Variants in PTPRD observed in about 807,000 individuals in gnomAD.
PTPRD encodes the protein receptor-type tyrosine-protein phosphatase delta.
PTPRD carries 34 observed loss-of-function variants against 214.5 expected under a neutral mutation model. The ratio of observed to expected loss-of-function variants is 0.16; its 90% CI spans 0.12 to 0.21. PTPRD has a LOEUF of 0.21. PTPRD is among the 10% of genes least tolerant of loss of function. PTPRD has a pLI of 1.00. For synonymous variants in PTPRD, 1,128 were observed against 845.7 expected (o/e 1.33, Z -5.79); for missense variants, 2,545 against 2,398.7 (o/e 1.06, Z -1.27).
At chr9:10,030,211 G>T (rs977206012) in intron 4 of PTPRD, among the ~76,000 whole-genome samples, 18 of 152,134 alleles carry the variant, frequency 1.2e-4, no homozygotes, top group African/African-American at 4.1e-4. Flanking sequence ...AACACAGTGG[G>T]TTTGACAAGG....
At chr9:9,410,012 A>G (rs1440634410) in intron 8 of PTPRD, among the ~76,000 whole-genome samples, 1 of 152,286 alleles carries the variant, frequency 6.6e-6, no homozygotes, top group African/African-American at 2.4e-5. Flanking sequence ...TATGAAACAC[A>G]TTTTTAATAA....
At chr9:10,123,047 G>A (rs963136081) in intron 3 of PTPRD, among the ~76,000 whole-genome samples, 2 of 152,192 alleles carry the variant, frequency 1.3e-5, no homozygotes, top group African/African-American at 4.8e-5. Context: ...CCCAGGAGGA[G>A]AACTAAAGTC....
intron 11 of PTPRD, among the ~76,000 whole-genome samples, chr9:8,959,167 T>C (rs892828862): frequency 2.0e-5 from 3 of 152,012 alleles, no homozygotes; most frequent in African/African-American, 7.2e-5. Flanking sequence ...TTATCAAATA[T>C]TCATTGAGCA....
chr9:8,700,581 T>G (rs572423365), intron 12 of PTPRD: 16 of 152,290 alleles, frequency 1.1e-4, no homozygotes, highest in Non-Finnish European at 2.1e-4. Flanking sequence ...ACAGTCAATG[T>G]TTTCATTCAT....
intron 9 of PTPRD, among the ~76,000 whole-genome samples, chr9:9,285,579 C>A (rs1276767185): frequency 6.6e-6 from 1 of 151,802 alleles, no homozygotes; most frequent in Non-Finnish European, 1.5e-5. Flanking sequence ...CACTTTTATT[C>A]AGATCCCACC....
chr9:8,531,501 C>T (rs2075680435), intron 14 of PTPRD, among the ~76,000 whole-genome samples: 1 of 152,056 alleles, frequency 6.6e-6, no homozygotes, highest in African/African-American at 2.4e-5. Flanking sequence ...CTCAAGTGCT[C>T]CAACACCAAC....
At chr9:9,029,470 C>T (rs765061051) in intron 10 of PTPRD, among the ~76,000 whole-genome samples, 13 of 145,598 alleles carry the variant, frequency 8.9e-5, no homozygotes, top group Non-Finnish European at 7.5e-5. Flanking sequence ...GCAGTGTACA[C>T]TTTTTTTTGT....
rs1371075549 is a variant in PTPRD at position 8,315,510 on chromosome 9, A to AAAAG, written c.*2360_*2363dup. 1 of 232,098 alleles carries AAAAG rather than the reference A, an allele frequency of 4.3e-6. No homozygotes were observed. Among genetic ancestry groups the AAAAG allele is most frequent in the Non-Finnish European group, 8.5e-6 (1 of 117,000 alleles). 14.4% of individuals were successfully genotyped at this position (232,098 alleles called of 1,614,324 possible). A position where few individuals can be genotyped will look rare whatever the true frequency, so the allele number is the denominator to read the frequency against. ...AATCTGGCACTTGGATAAATCTCCA[A>AAAAG]AAAGATACAAACTAAAAGAAAATAA... On this transcript the variant is annotated 3_prime_UTR_variant, in exon 46 of 46. Coordinates refer to ENST00000381196, the MANE Select transcript of PTPRD (RefSeq NM_002839.4).
chr9:9,912,747 G>T (rs1219268782), intron 5 of PTPRD, among the ~76,000 whole-genome samples: 3 of 152,182 alleles, frequency 2.0e-5, no homozygotes, highest in Non-Finnish European at 4.4e-5. Context: ...CCCAAGTTGA[G>T]AATGATATTC....
At chr9:8,636,885 A>C in intron 12 of PTPRD, 41 bp from the exon 13 acceptor site, 1 of 1,600,562 alleles carries the variant, frequency 6.2e-7, no homozygotes, top group Non-Finnish European at 8.6e-7. Context: ...TTGAAAACTG[A>C]AATACAGACT....
chr9:9,224,794 C>G (rs2099958352), intron 9 of PTPRD, among the ~76,000 whole-genome samples: 1 of 151,858 alleles, frequency 6.6e-6, no homozygotes, highest in African/African-American at 2.4e-5. Flanking sequence ...GTTTTCTGGA[C>G]TCTGTAAGAT....
intron 3 of PTPRD, among the ~76,000 whole-genome samples, chr9:10,068,172 G>A (rs2097918317): frequency 6.6e-6 from 1 of 151,768 alleles, no homozygotes; most frequent in South Asian, 2.1e-4. Flanking sequence ...ACAACTGGTT[G>A]CAGGAGAAAG....
At chr9:9,631,706 G>T (rs777760444) in intron 7 of PTPRD, among the ~76,000 whole-genome samples, 2 of 152,092 alleles carry the variant, frequency 1.3e-5, no homozygotes, top group East Asian at 3.9e-4. Flanking sequence ...TCTCCTGTCA[G>T]TGTTGATGAT....
chr9:9,161,885 G>C (rs1179948777), intron 10 of PTPRD, among the ~76,000 whole-genome samples: 2 of 151,808 alleles, frequency 1.3e-5, no homozygotes, highest in Non-Finnish European at 2.9e-5. Flanking sequence ...TTGACTAAAT[G>C]TTTAAATTTT....
At chr9:8,493,740 A>C (rs549519051) in intron 26 of PTPRD, among the ~76,000 whole-genome samples, 11 of 152,282 alleles carry the variant, frequency 7.2e-5, no homozygotes, top group Admixed American at 3.9e-4. Context: ...GTATGTGCTC[A>C]ATTTATTTTG....
intron 12 of PTPRD, among the ~76,000 whole-genome samples, chr9:8,642,049 C>T (rs532272313): frequency 6.6e-6 from 1 of 152,272 alleles, no homozygotes; most frequent in South Asian, 2.1e-4. Context: ...AGACATAAAT[C>T]GGGGAGAGCC....
At chr9:10,299,703 T>C (rs939075798) in intron 3 of PTPRD, among the ~76,000 whole-genome samples, 1 of 152,160 alleles carries the variant, frequency 6.6e-6, no homozygotes, top group African/African-American at 2.4e-5. Context: ...CTACAGGTCA[T>C]AACAGCTGGT....
chr9:9,682,489 T>G (rs1046413079), intron 7 of PTPRD, among the ~76,000 whole-genome samples: 8 of 151,786 alleles, frequency 5.3e-5, no homozygotes, highest in African/African-American at 1.7e-4. Context: ...TGCCATTGTT[T>G]TATTTATGGT....
intron 7 of PTPRD, among the ~76,000 whole-genome samples, chr9:9,641,496 T>C (rs577980830): frequency 3.3e-5 from 5 of 152,266 alleles, no homozygotes; most frequent in African/African-American, 1.2e-4. Flanking sequence ...TAAGAGGCTA[T>C]AGGAAAGTAC....
Sources: gnomAD v4.1 joint callset for allele counts (sites outside exome capture counted in the v4.1 genomes callset) on GRCh38, gnomAD v4.1.1 for gene constraint, MANE v1.5 for transcripts, NCBI Gene and HGNC (gene_info 2026-07-23, HGNC 2026-07-21) for gene names.